The following CSPP1 variants were observed in gnomAD, a reference collection of about 807,000 sequenced individuals.
CSPP1 encodes centrosome and spindle pole-associated protein 1.
Under a neutral mutation model 164.4 loss-of-function variants are expected in CSPP1, and 126 were observed. The ratio of observed to expected loss-of-function variants is 0.77; its 90% CI spans 0.66 to 0.89. CSPP1 has a LOEUF of 0.89. Among genes scored for constraint, CSPP1 ranks in the 40% least tolerant of loss-of-function variants. The pLI, the probability that CSPP1 is intolerant of heterozygous loss-of-function variation, is 0.00. For missense variants in CSPP1, 1,395 were observed against 1,449.8 expected (o/e 0.96, Z 0.61); for synonymous variants, 472 against 476.7 (o/e 0.99, Z 0.13).
chr8:67,075,938 T>C (rs1807818410), intron 2 of CSPP1, among the ~76,000 whole-genome samples: 1 of 152,208 alleles, frequency 6.6e-6, no homozygotes, highest in Admixed American at 6.5e-5. Context: ...AGTTACATGA[T>C]TTGGAGTACA....
chr8:67,076,466 AT>A lies in CSPP1; in HGVS notation c.100-14del. On this transcript the variant is annotated splice_polypyrimidine_tract_variant and intron_variant, in intron 2 of 30. Transcript: ENST00000678616. ...TTTTTTTCCTCTTGCTTTTGTAAAC[AT>A]TATGTCTCTTTCAGGGAAAGTTGTC... The A allele has an allele frequency of 6.8e-7, 1 of 1,475,082 alleles. No homozygotes were observed. The allele number at this position is 1,475,082 out of a possible 1,614,324, so 91.4% of individuals were successfully genotyped here.
intron 1 of CSPP1, among the ~76,000 whole-genome samples, chr8:67,068,159 ATTTCTAAG>A: frequency 6.6e-6 from 1 of 152,176 alleles, no homozygotes; most frequent in East Asian, 1.9e-4. Context: ...TGATCTGTTG[ATTTCTAAG>A]TGTTAGGTTC....
intron 2 of CSPP1, 128 bp from the exon 3 acceptor site, chr8:67,076,354 T>A (rs924708983): frequency 1.9e-5 from 8 of 419,556 alleles, no homozygotes; most frequent in African/African-American, 1.2e-4. Flanking sequence ...TCCTCAAACC[T>A]TACACTTAAT....
intron 21 of CSPP1, among the ~76,000 whole-genome samples, 179 bp from the exon 22 acceptor site, chr8:67,161,632 C>T (rs1315767184): frequency 6.6e-6 from 1 of 152,104 alleles, no homozygotes; most frequent in Non-Finnish European, 1.5e-5. Context: ...TCATAACCAA[C>T]ATGTTTGATC....
chr8:67,115,857 T>C lies in CSPP1; in HGVS notation c.1288-57T>C, dbSNP rs1474626860. 2.8e-6 allele frequency: 4 copies of C among 1,403,740 alleles called. No individual in the cohort carries two copies. In the South Asian group the frequency reaches 3.5e-5, roughly 12 times the overall value. The allele number at this position is 1,403,740 out of a possible 1,614,324, so 87.0% of individuals were successfully genotyped here. On this transcript the variant is annotated intron_variant, in intron 12 of 30. Transcript: ENST00000678616. ...GGGATAGGAGGTCTTTTGAGGTCCC[T>C]TCCACCTTTAAACTTATGATTATAT...
At chr8:67,146,674 C>T (rs542976247) in intron 17 of CSPP1, among the ~76,000 whole-genome samples, 1 of 152,138 alleles carries the variant, frequency 6.6e-6, no homozygotes, top group South Asian at 2.1e-4. Flanking sequence ...TTTAACATAT[C>T]TCAGCCCTTC....
At chr8:67,148,659 A>T (rs2129557703) in intron 17 of CSPP1, among the ~76,000 whole-genome samples, 1 of 152,360 alleles carries the variant, frequency 6.6e-6, no homozygotes, top group South Asian at 2.1e-4. Context: ...TTCAAAATAC[A>T]TTCTTGAACA....
Position 67,195,683 on chromosome 8 carries a change from C to G in CSPP1, c.*90C>G. ...AATATGTCCTACTTTTGGCCCCTAC[C>G]TGAAAGTTACTTTTTTTCCATCATC... is the stretch of plus-strand genomic sequence containing the variant. On this transcript the variant is annotated 3_prime_UTR_variant, in exon 31 of 31. Coordinates refer to ENST00000678616, the MANE Select transcript of CSPP1 (RefSeq NM_001382391.1). 3 of 1,015,674 alleles carry G rather than the reference C, an allele frequency of 3.0e-6. No homozygotes were observed. In the South Asian group the frequency reaches 4.6e-5, roughly 15 times the overall value. 62.9% of individuals were successfully genotyped at this position (1,015,674 alleles called of 1,614,324 possible).
chr8:67,177,892 A>G (rs574968553), intron 27 of CSPP1, among the ~76,000 whole-genome samples, 166 bp downstream of exon 27: 4 of 152,220 alleles, frequency 2.6e-5, no homozygotes, highest in Non-Finnish European at 4.4e-5. Context: ...TGTAATATAT[A>G]TAGAAAACAT....
intron 13 of CSPP1, 38 bp from the exon 14 acceptor site, chr8:67,118,210 A>T (rs1473084202): frequency 2.5e-6 from 4 of 1,607,780 alleles, no homozygotes; most frequent in Non-Finnish European, 2.6e-6. Flanking sequence ...AATTGCAATG[A>T]AATATGAGAG....
chr8:67,175,791 A>G (rs1284136931), intron 26 of CSPP1, among the ~76,000 whole-genome samples: 1 of 152,250 alleles, frequency 6.6e-6, no homozygotes. Context: ...GCATTTGCCT[A>G]CTGTGCCATG....
In CSPP1 at chr8:67,137,468, GAAGA is replaced by G; in HGVS notation, c.1846_1849del (p.Arg616GlyfsTer15). 2.6e-6 allele frequency: 4 copies of G among 1,520,612 alleles called. No homozygotes were observed. The highest frequency in any genetic ancestry group is 3.6e-6 in the Non-Finnish European group (4 of 1,119,586). The allele number at this position is 1,520,612 out of a possible 1,614,324, so 94.2% of individuals were successfully genotyped here. A position where few individuals can be genotyped will look rare whatever the true frequency, so the allele number is the denominator to read the frequency against. On this transcript the variant is annotated frameshift_variant, in exon 17 of 31. Coordinates refer to ENST00000678616, the MANE Select transcript of CSPP1 (RefSeq NM_001382391.1). LOFTEE classifies it high-confidence loss of function. Reference sequence around the variant, plus strand: ...TTATGTTGTCAAGATTCGGGAAAGAGAAGAAAGAAGGAAGAAAGAACGTGAAGAA... The same window carrying G: ...TTATGTTGTCAAGATTCGGGAAAGAGAAGAAGGAAGAAAGAACGTGAAGAA...
At chr8:67,183,219 C>T (rs1209382596) in intron 28 of CSPP1, among the ~76,000 whole-genome samples, 2 of 152,166 alleles carry the variant, frequency 1.3e-5, no homozygotes, top group Non-Finnish European at 2.9e-5. Context: ...AGATTTTTAA[C>T]ACCTCTCTAT....
chr8:67,116,981 A>G (rs1218502104), intron 13 of CSPP1, among the ~76,000 whole-genome samples: 1 of 152,170 alleles, frequency 6.6e-6, no homozygotes, highest in Non-Finnish European at 1.5e-5. Flanking sequence ...AATAGGAGGC[A>G]TTGGAATTAA....
At chr8:67,067,278 GA>G (rs1805772329) in intron 1 of CSPP1, among the ~76,000 whole-genome samples, 1 of 152,138 alleles carries the variant, frequency 6.6e-6, no homozygotes, top group African/African-American at 2.4e-5. Context: ...TTGTTTATTG[GA>G]TTTGACTAGA....
intron 6 of CSPP1, among the ~76,000 whole-genome samples, chr8:67,094,158 T>C (rs942478304): frequency 6.8e-6 from 1 of 146,148 alleles, no homozygotes; most frequent in Admixed American, 6.9e-5. Context: ...ATGATTGATG[T>C]ATCTGGGGCC....
At chr8:67,118,437 A>G (rs765545684) in intron 14 of CSPP1, 68 bp downstream of exon 14, 5 of 1,513,312 alleles carry the variant, frequency 3.3e-6, no homozygotes, top group Non-Finnish European at 4.6e-6. Flanking sequence ...TTTTTTGTGT[A>G]AACAAAAAAT....
Position 67,078,842 on chromosome 8 carries a change from G to A in CSPP1, c.199+2261G>A, listed in dbSNP as rs547133281. Among the ~76,000 whole-genome samples the A allele has an allele frequency of 4.6e-5, 7 of 152,116 alleles. No homozygotes were observed. The South Asian group carries it at 1.0e-3, about 23-fold the overall frequency. ...AAAAAAATTAGCCCAGCATGGTGGC[G>A]CAGGCCTATAATCCTAGCTACTTGG... On this transcript the variant is annotated intron_variant, in intron 3 of 30. Coordinates refer to ENST00000678616, the MANE Select transcript of CSPP1 (RefSeq NM_001382391.1).
chr8:67,179,936 T>C lies in CSPP1; in HGVS notation c.3220+10T>C. 1.4e-6 allele frequency: 2 copies of C among 1,440,706 alleles called. No homozygotes were observed. Among genetic ancestry groups the C allele is most frequent in the Non-Finnish European group, 2.0e-6 (2 of 1,023,520 alleles). The allele number at this position is 1,440,706 out of a possible 1,614,324, so 89.2% of individuals were successfully genotyped here. A position where few individuals can be genotyped will look rare whatever the true frequency, so the allele number is the denominator to read the frequency against. ...GATAGTGCTTTTATTGGTGAGTATA[T>C]TTATTTTATTAAGGCTATATTGTTT... is the stretch of plus-strand genomic sequence containing the variant. On this transcript the variant is annotated intron_variant, in intron 28 of 30. Coordinates refer to ENST00000678616, the MANE Select transcript of CSPP1 (RefSeq NM_001382391.1).
Sources: allele counts gnomAD v4.1 joint callset (sites outside exome capture counted in the v4.1 genomes callset), GRCh38; gene constraint gnomAD v4.1.1; transcripts MANE v1.5; gene names NCBI Gene and HGNC (gene_info 2026-07-23, HGNC 2026-07-21).